The following NEGR1 variants were observed in gnomAD, a reference collection of about 807,000 sequenced individuals.
The protein encoded by NEGR1 is IgLON family member 4.
In NEGR1, 10 loss-of-function variants were observed where a neutral mutation model predicts 40.9. The ratio of observed to expected loss-of-function variants is 0.24; its 90% CI spans 0.15 to 0.42. The LOEUF (loss-of-function observed/expected upper bound fraction) is 0.42. NEGR1 is among the 10% of genes least tolerant of loss of function. The probability of loss-of-function intolerance (pLI) is 1.00; values close to 1 mark genes in which losing one functional copy is unlikely to be tolerated. For synonymous variants in NEGR1, 185 were observed against 166.8 expected (o/e 1.11, Z -0.84); for missense variants, 352 against 438.9 (o/e 0.80, Z 1.77).
chr1:71,526,831 A>G (rs771845960), intron 6 of NEGR1, among the ~76,000 whole-genome samples: 3 of 151,588 alleles, frequency 2.0e-5, no homozygotes, highest in Non-Finnish European at 4.4e-5. Context: ...GATCAAGCTT[A>G]CAGCAAGGAA....
chr1:71,481,646 G>C (rs1203600831), intron 6 of NEGR1, among the ~76,000 whole-genome samples: 1 of 151,842 alleles, frequency 6.6e-6, no homozygotes, highest in Admixed American at 6.6e-5. Context: ...CATATTCATT[G>C]TATGTTCTTT....
chr1:71,793,585 G>T (rs1316345837), intron 2 of NEGR1, among the ~76,000 whole-genome samples: 1 of 151,864 alleles, frequency 6.6e-6, no homozygotes, highest in African/African-American at 2.4e-5. Context: ...TCATGAAACT[G>T]ACATAATGTG....
intron 6 of NEGR1, among the ~76,000 whole-genome samples, chr1:71,453,445 A>G (rs887630695): frequency 4.6e-5 from 7 of 152,188 alleles, no homozygotes; most frequent in South Asian, 2.1e-4. Context: ...CATAATACTC[A>G]ACATAGCATG....
At chr1:71,578,973 T>A (rs912295182) in intron 6 of NEGR1, among the ~76,000 whole-genome samples, 3 of 152,176 alleles carry the variant, frequency 2.0e-5, no homozygotes, top group Non-Finnish European at 4.4e-5. Context: ...AACAGTAGGC[T>A]TCATCTTAGT....
At chr1:71,939,781 T>G (rs963615797) in intron 1 of NEGR1, among the ~76,000 whole-genome samples, 1 of 149,328 alleles carries the variant, frequency 6.7e-6, no homozygotes, top group African/African-American at 2.5e-5. Flanking sequence ...ACTCTACACT[T>G]CCGAAACCCT....
chr1:72,068,494 G>A (rs760971843), intron 1 of NEGR1, among the ~76,000 whole-genome samples: 6 of 152,078 alleles, frequency 3.9e-5, no homozygotes, highest in African/African-American at 7.2e-5. Context: ...CCAGTGCTTC[G>A]GTGTTTGGCT....
chr1:71,934,441 A>G (rs919184864), intron 2 of NEGR1, among the ~76,000 whole-genome samples: 1 of 152,138 alleles, frequency 6.6e-6, no homozygotes, highest in Non-Finnish European at 1.5e-5. Context: ...TATTTTCTCA[A>G]TTACTCTATA....
intron 4 of NEGR1, among the ~76,000 whole-genome samples, chr1:71,695,901 AAG>A (rs1390809811): frequency 6.6e-6 from 1 of 151,822 alleles, no homozygotes; most frequent in Non-Finnish European, 1.5e-5. Flanking sequence ...TTTTTTTAAA[AAG>A]AGTTTTCCAA....
chr1:71,946,312 T>A (rs1646018749), intron 1 of NEGR1, among the ~76,000 whole-genome samples: 1 of 151,958 alleles, frequency 6.6e-6, no homozygotes, highest in Admixed American at 6.6e-5. Context: ...GTTTTTTTTC[T>A]TCTTGCTTGT....
At chr1:72,183,382 C>T (rs1652464266) in intron 1 of NEGR1, among the ~76,000 whole-genome samples, 1 of 152,102 alleles carries the variant, frequency 6.6e-6, no homozygotes, top group African/African-American at 2.4e-5. Flanking sequence ...CAGGCAAAGA[C>T]TGCCTAAGAA....
rs371326926 is a variant in NEGR1, at chr1:71,618,116, CATT to C, written c.668-6973_668-6971del. The stretch of plus-strand genomic sequence containing the variant: ...ACTGGGATTTTTGACATGTTTCAAA[CATT>C]AGCAGAGATTTTAAAAGAGGCTGAG... On this transcript the variant is annotated intron_variant, in intron 4 of 6. Transcript: ENST00000357731. Among the ~76,000 whole-genome samples the C allele has an allele frequency of 1.4e-4, 21 of 152,276 alleles. No homozygotes were observed. In the East Asian group the frequency reaches 2.5e-3, roughly 18 times the overall value.
At chr1:72,228,836 C>T (rs982980395) in intron 1 of NEGR1, among the ~76,000 whole-genome samples, 21 of 152,164 alleles carry the variant, frequency 1.4e-4, no homozygotes, top group African/African-American at 4.8e-4. Flanking sequence ...TACAATTTAG[C>T]TTCTTAAGGA....
At chr1:72,164,867 T>C (rs565381063) in intron 1 of NEGR1, among the ~76,000 whole-genome samples, 162 of 152,174 alleles carry the variant, frequency 1.1e-3, no homozygotes, top group Non-Finnish European at 1.7e-3. Context: ...AGAGGAATAT[T>C]TTTAAAATGT....
chr1:71,769,072 CTTT>C (rs57724666), intron 3 of NEGR1, among the ~76,000 whole-genome samples: 1 of 148,348 alleles, frequency 6.7e-6, no homozygotes, highest in East Asian at 2.0e-4. Context: ...AACAATAAAA[CTTT>C]TTTTTTTTTA....
At chr1:71,908,940 CT>C (rs1454882326) in intron 2 of NEGR1, among the ~76,000 whole-genome samples, 2 of 151,860 alleles carry the variant, frequency 1.3e-5, no homozygotes, top group Non-Finnish European at 2.9e-5. Context: ...TCCCTTATTT[CT>C]TAAATACACA....
chr1:72,085,521 C>A (rs939551929), intron 1 of NEGR1, among the ~76,000 whole-genome samples: 1 of 152,126 alleles, frequency 6.6e-6, no homozygotes, highest in African/African-American at 2.4e-5. Context: ...ACATTTATTT[C>A]TTTGTTCTTT....
chr1:71,782,966 T>C (rs1047923774), intron 2 of NEGR1, among the ~76,000 whole-genome samples: 3 of 152,006 alleles, frequency 2.0e-5, no homozygotes, highest in African/African-American at 4.8e-5. Context: ...ACATCTTAGG[T>C]AGTCCCATGT....
At chr1:72,076,537 C>T (rs1216798174) in intron 1 of NEGR1, among the ~76,000 whole-genome samples, 1 of 134,508 alleles carries the variant, frequency 7.4e-6, no homozygotes, top group Non-Finnish European at 1.6e-5. Context: ...CAACCTCATT[C>T]TCAGATCTGA....
At chr1:71,619,029 A>G (rs1233683437) in intron 4 of NEGR1, among the ~76,000 whole-genome samples, 1 of 152,146 alleles carries the variant, frequency 6.6e-6, no homozygotes, top group Non-Finnish European at 1.5e-5. Flanking sequence ...ATGAGCTATA[A>G]TGTACTCACA....
Sources: allele counts gnomAD v4.1 joint callset (sites outside exome capture counted in the v4.1 genomes callset), GRCh38; gene constraint gnomAD v4.1.1; transcripts MANE v1.5; gene names NCBI Gene and HGNC (gene_info 2026-07-23, HGNC 2026-07-21).